The following MEG3 variants were observed in gnomAD, a reference collection of about 807,000 sequenced individuals.
MEG3 encodes Very putative protein from MEG3 locus.
intron 2 of MEG3, among the ~76,000 whole-genome samples, chr14:100,838,697 C>T (rs541958191): frequency 6.6e-6 from 1 of 152,214 alleles, no homozygotes; most frequent in South Asian, 2.1e-4. Flanking sequence ...TAGTGGGACT[C>T]TTCTGGGTGG....
intron 2 of MEG3, among the ~76,000 whole-genome samples, chr14:100,841,225 G>C (rs1210738893): frequency 2.6e-5 from 4 of 152,244 alleles, no homozygotes; most frequent in Admixed American, 6.5e-5. Context: ...GTCTTGGCTG[G>C]TCACTGACTT....
chr14:100,836,054 T>C, intron 1 of MEG3: 1 of 368,040 alleles, frequency 2.7e-6, no homozygotes, highest in South Asian at 2.1e-5. Context: ...GTCACCCCAC[T>C]CCACCGAAAA....
intron 3 of MEG3, chr14:100,846,564 T>C (rs1484694070): frequency 1.3e-5 from 2 of 152,240 alleles, no homozygotes; most frequent in Non-Finnish European, 2.9e-5. Context: ...CTGTTGTTGT[T>C]GAGAGGTTGT....
At chr14:100,840,205 A>AT (rs1442925308) in intron 2 of MEG3, among the ~76,000 whole-genome samples, 1 of 152,230 alleles carries the variant, frequency 6.6e-6, no homozygotes, top group Non-Finnish European at 1.5e-5. Context: ...GAGCTTAAAA[A>AT]TAAATCCAGA....
intron 3 of MEG3, chr14:100,849,121 A>G (rs1220635505): frequency 6.6e-6 from 1 of 152,224 alleles, no homozygotes; most frequent in African/African-American, 2.4e-5. Context: ...GTATATAAGC[A>G]ATACAAACAT....
At chr14:100,828,892 A>C (rs1024613569) in intron 2 of MEG3, 4 of 152,010 alleles carry the variant, frequency 2.6e-5, no homozygotes, top group African/African-American at 9.7e-5. Flanking sequence ...CCATCCTTGC[A>C]CCACCCCCAG....
At chr14:100,840,510 T>C (rs1441778366) in intron 2 of MEG3, among the ~76,000 whole-genome samples, 1 of 152,006 alleles carries the variant, frequency 6.6e-6, no homozygotes, top group African/African-American at 2.4e-5. Flanking sequence ...TTTTTCCAGA[T>C]GAAAAGAAGA....
downstream of MEG3, chr14:100,833,348 C>T (rs1471038575): frequency 6.6e-6 from 1 of 152,188 alleles, no homozygotes; most frequent in Non-Finnish European, 1.5e-5. Context: ...CAACCTCTGC[C>T]TTCCGGGTTC....
rs2037881858 is a variant in MEG3, at chr14:100,845,218, C to A, written n.3046-240C>A. Among the ~76,000 whole-genome samples, 1 of 152,228 alleles carries A rather than the reference C, an allele frequency of 6.6e-6. No homozygotes were observed. Among genetic ancestry groups the A allele is most frequent in the Admixed American group, 6.5e-5 (1 of 15,292 alleles). On this transcript the variant is annotated intron_variant and non_coding_transcript_variant, in intron 2 of 3. Transcript: ENST00000398461. This position sits in a 1 kb window ranked among gnomAD's most constrained non-coding sequence, Gnocchi z 5.2. Reference sequence around the variant, plus strand: ...CACGACTTCGCTCCGTGAACAGCACCAACCCAAGTCTGTTCCATGTCTCCA... The same window carrying A: ...CACGACTTCGCTCCGTGAACAGCACAAACCCAAGTCTGTTCCATGTCTCCA...
intron 2 of MEG3, among the ~76,000 whole-genome samples, chr14:100,836,625 G>A (rs577910121): frequency 9.2e-5 from 14 of 151,670 alleles, no homozygotes; most frequent in Admixed American, 7.9e-4. Flanking sequence ...GTACGGCTTT[G>A]CTGAACACAT....
chr14:100,852,068 A>G lies in MEG3; in HGVS notation n.3121+6535A>G, dbSNP rs560699925. Reference sequence around the variant, plus strand: ...CTTGGATGGACTCAGGACTTGTGGCAGGGAGCACGTGGGAGGCAGGGGAGT... The same window carrying G: ...CTTGGATGGACTCAGGACTTGTGGCGGGGAGCACGTGGGAGGCAGGGGAGT... On this transcript the variant is annotated intron_variant and non_coding_transcript_variant, in intron 3 of 3. Coordinates refer to the MEG3 transcript ENST00000398461. 29 of 303,148 alleles carry G rather than the reference A, an allele frequency of 9.6e-5. No homozygotes were observed. The Middle Eastern group carries it at 3.6e-3, about 37-fold the overall frequency. The allele number at this position is 303,148 out of a possible 1,614,324, so 18.8% of individuals were successfully genotyped here. A position where few individuals can be genotyped will look rare whatever the true frequency, so the allele number is the denominator to read the frequency against.
chr14:100,829,022 G>A lies in MEG3; in HGVS notation n.481-12G>A, dbSNP rs546581842. On this transcript the variant is annotated splice_polypyrimidine_tract_variant and intron_variant and non_coding_transcript_variant, in intron 2 of 2. Coordinates refer to ENST00000556407, the Ensembl canonical transcript of MEG3. The stretch of plus-strand genomic sequence containing the variant: ...CTTTTAAGCAGGTTCTCTAACCTTT[G>A]ATCAATTGCAGAGGGCACTAGGAGC... The A allele has an allele frequency of 2.6e-5, 4 of 152,238 alleles. No individual in the cohort carries two copies. In the East Asian group the frequency reaches 7.7e-4, roughly 29 times the overall value. 9.4% of individuals were successfully genotyped at this position (152,238 alleles called of 1,614,324 possible). A position where few individuals can be genotyped will look rare whatever the true frequency, so the allele number is the denominator to read the frequency against.
intron 3 of MEG3, chr14:100,850,503 A>G (rs2139993999): frequency 6.6e-6 from 1 of 152,018 alleles, no homozygotes; most frequent in South Asian, 2.1e-4. Context: ...GGAGGCTGAG[A>G]GAGGAGAATT....
At chr14:100,853,002 G>T (rs777621362), upstream of MEG3, 2 of 152,604 alleles carry the variant, frequency 1.3e-5, no homozygotes, top group African/African-American at 2.4e-5. Context: ...TAAGAGTTTT[G>T]TATCTGTAAT....
chr14:100,831,352 G>T (rs1429345247), downstream of MEG3: 3 of 152,808 alleles, frequency 2.0e-5, no homozygotes, highest in Non-Finnish European at 4.4e-5. Flanking sequence ...TGTGCCGGCA[G>T]CCTGGAGCCT....
rs1415971065 is a variant in MEG3, at chr14:100,834,830, G to C, written n.1862G>C. ...CGAAGAGTTCTAGGTGCAAAGGCTG[G>C]AGGGTGGAATTCATTTTTGAGAGGT... is the stretch of plus-strand genomic sequence containing the variant. On this transcript the variant is annotated non_coding_transcript_exon_variant, in exon 1 of 4. Transcript: ENST00000398461. The C allele has an allele frequency of 2.2e-5, 10 of 456,522 alleles. No individual in the cohort carries two copies. In the Admixed American group the frequency reaches 2.3e-4, roughly 11 times the overall value. The allele number at this position is 456,522 out of a possible 1,614,324, so 28.3% of individuals were successfully genotyped here. A position where few individuals can be genotyped will look rare whatever the true frequency, so the allele number is the denominator to read the frequency against.
chr14:100,832,310 C>G (rs890642114), downstream of MEG3: 1 of 152,154 alleles, frequency 6.6e-6, no homozygotes, highest in African/African-American at 2.4e-5. Context: ...CTCCTTCCAT[C>G]GAGTTTAACC....
intron 2 of MEG3, among the ~76,000 whole-genome samples, chr14:100,843,322 G>A (rs1397945145): frequency 6.6e-6 from 1 of 152,160 alleles, no homozygotes; most frequent in Non-Finnish European, 1.5e-5. Context: ...CGCGCTGTGT[G>A]TTCTTGGCCT....
chr14:100,854,439 T>G (rs892553113), upstream of MEG3: 1 of 152,136 alleles, frequency 6.6e-6, no homozygotes, highest in Non-Finnish European at 1.5e-5. Flanking sequence ...AAGTAGTGTT[T>G]AGGAGATTCT....
Sources: gnomAD v4.1 joint callset for allele counts (sites outside exome capture counted in the v4.1 genomes callset) on GRCh38, gnomAD v4.1.1 for gene constraint, Gnocchi (gnomAD v3.1) non-coding constraint, MANE v1.5 for transcripts, NCBI Gene and HGNC (gene_info 2026-07-23, HGNC 2026-07-21) for gene names.